CHD9: variants seen among roughly 807,000 people sequenced by gnomAD.
CHD9 encodes the protein chromodomain helicase DNA binding protein 9.
A neutral mutation model predicts 316.1 loss-of-function variants in CHD9; 77 were observed. That is an observed-to-expected ratio of 0.24 (90% CI 0.20 to 0.29). The LOEUF is 0.29. Ranked by LOEUF, CHD9 falls within the 10% of genes least tolerant of loss-of-function variation. The pLI is 1.00. For synonymous variants in CHD9, 1,129 were observed against 1,158.3 expected, an observed-to-expected ratio of 0.97 and a Z score of 0.51; for missense variants, 2,763 against 3,438.1, an observed-to-expected ratio of 0.80 and a Z score of 4.91.
At chr16:53,319,833 T>C (rs943244796) in intron 37 of CHD9, 11 of 1,264,296 alleles carry the variant, frequency 8.7e-6, no homozygotes, top group African/African-American at 6.1e-5. Flanking sequence ...TGATGAGTTA[T>C]TAAGGAAAAG....
intron 2 of CHD9, among the ~76,000 whole-genome samples, chr16:53,198,972 G>A (rs150370841): frequency 6.6e-6 from 1 of 150,846 alleles, no homozygotes; most frequent in Non-Finnish European, 1.5e-5. Flanking sequence ...ATTGGAATTT[G>A]CATTTGAATA....
chr16:53,310,549 A>G (rs891895189), intron 34 of CHD9, among the ~76,000 whole-genome samples: 2 of 152,046 alleles, frequency 1.3e-5, no homozygotes, highest in Non-Finnish European at 2.9e-5. Flanking sequence ...CTGTTTTTTA[A>G]TAATATCAAT....
intron 1 of CHD9, among the ~76,000 whole-genome samples, chr16:53,116,099 G>T (rs1011253404): frequency 2.0e-5 from 3 of 152,082 alleles, no homozygotes; most frequent in Non-Finnish European, 2.9e-5. Context: ...TCACTCTGTT[G>T]CCTGGGCTGG....
intron 1 of CHD9, among the ~76,000 whole-genome samples, chr16:53,068,401 T>TCCACGCCGATCCAGCATTCTCTC (rs2033714462): frequency 6.6e-6 from 1 of 151,654 alleles, no homozygotes; most frequent in African/African-American, 2.4e-5. Context: ...CACATTCTCT[T>TCCACGCCGATCCAGCATTCTCTC]CCCCGCCGAT....
chr16:53,305,181 C>A (rs2055844014), intron 31 of CHD9, among the ~76,000 whole-genome samples: 1 of 152,152 alleles, frequency 6.6e-6, no homozygotes, highest in South Asian at 2.1e-4. Flanking sequence ...CCTGCCTCAG[C>A]CTCCTGAGTA....
chr16:53,296,003 C>T (rs1397217735), intron 29 of CHD9, among the ~76,000 whole-genome samples: 1 of 152,138 alleles, frequency 6.6e-6, no homozygotes, highest in African/African-American at 2.4e-5. Context: ...TAAGCCATAA[C>T]CTTGTCAATC....
chr16:53,267,601 C>A, intron 21 of CHD9, 111 bp downstream of exon 21: 1 of 758,450 alleles, frequency 1.3e-6, no homozygotes. Context: ...TTAAAATTTA[C>A]TTTTAAAGTA....
At chr16:53,091,932 T>A (rs2035978203) in intron 1 of CHD9, among the ~76,000 whole-genome samples, 1 of 152,172 alleles carries the variant, frequency 6.6e-6, no homozygotes, top group Non-Finnish European at 1.5e-5. Context: ...ATATCCAAGC[T>A]GCAAGAGCAT....
At chr16:53,105,702 GAA>G (rs1005914280) in intron 1 of CHD9, among the ~76,000 whole-genome samples, 3 of 152,132 alleles carry the variant, frequency 2.0e-5, no homozygotes, top group African/African-American at 7.2e-5. Flanking sequence ...GTGCTTTGGA[GAA>G]GAGTCATTCC....
At chr16:53,269,194 C>T (rs1178781867) in intron 22 of CHD9, among the ~76,000 whole-genome samples, 1 of 152,018 alleles carries the variant, frequency 6.6e-6, no homozygotes, top group East Asian at 1.9e-4. Flanking sequence ...ACTTTTTGCT[C>T]CTTAGCCTTC....
In CHD9 at chr16:53,324,807, A is replaced by G. The variant is rs531858960; in HGVS notation, c.8606A>G (p.Asp2869Gly). 302 of 1,612,990 alleles carry G rather than the reference A, an allele frequency of 1.9e-4. 6 individuals carry two copies. In the South Asian group the frequency reaches 3.2e-3, roughly 17 times the overall value. The change falls in exon 39 of 39, where the codon GAT becomes GGT. Residue 2869 changes from aspartate to glycine, a missense_variant. This residue lies in a region of CHD9 where 298 missense variants were observed against 380.2 expected (regional missense o/e 0.78). Coordinates refer to ENST00000447540, the MANE Select transcript of CHD9 (RefSeq NM_001308319.2). ...AGTCCTCTCAATGAAAACAGCACAG[A>G]TGAGGGTTCAGAGAAAGCTGATGCT... ...EPSPLNENST[D>G]EGSEKADASS... is the part of the protein sequence containing the mutation.
At chr16:53,258,754 A>G (rs1056139298) in intron 19 of CHD9, among the ~76,000 whole-genome samples, 2 of 152,092 alleles carry the variant, frequency 1.3e-5, no homozygotes, top group African/African-American at 4.8e-5. Flanking sequence ...TGGTAACTTC[A>G]TTTTCAAGTG....
chr16:53,306,255 A>T lies in CHD9; in HGVS notation c.6638A>T (p.Lys2213Ile). Residue 2213 changes from lysine (K) to isoleucine (I), a missense_variant, in exon 32 of 39, where the codon AAA becomes ATA. Lys to Ile is a moderately radical substitution (Grantham distance 102). Around this residue, in one of 15 missense-constraint regions of CHD9, gnomAD observed 663 missense variants for 751.2 expected, o/e 0.88. Transcript: ENST00000447540. ...AQKRESTTHM[K>I]AYDEESVASL... ...TTAGCAGAAAGTACTACTCACATGA[A>T]AGCCTATGATGAAGAAAGCGTCGCG... The T allele has an allele frequency of 6.4e-7, 1 of 1,571,790 alleles. No homozygotes were observed. The highest frequency in any genetic ancestry group is 1.4e-5 in the African/African-American group (1 of 72,738).
chr16:53,172,520 C>T lies in CHD9; in HGVS notation c.1452+14979C>T, dbSNP rs150476965. On this transcript the variant is annotated intron_variant, in intron 2 of 38. Coordinates refer to ENST00000447540, the MANE Select transcript of CHD9 (RefSeq NM_001308319.2). ...CTTGTGAAGACATACATTTTTATTT[C>T]CATTGGGTAAATACCTGGCAATGGC... Among the ~76,000 whole-genome samples, 1,043 of 152,172 alleles carry T rather than the reference C, an allele frequency of 6.9e-3. 6 individuals are homozygous for T. The highest frequency in any genetic ancestry group is 0.014 in the Middle Eastern group (4 of 294).
At chr16:53,173,427 C>T (rs2042902764) in intron 2 of CHD9, among the ~76,000 whole-genome samples, 1 of 152,072 alleles carries the variant, frequency 6.6e-6, no homozygotes, top group Non-Finnish European at 1.5e-5. Context: ...ATAAGTATGG[C>T]TATAGGTTTA....
Position 53,149,653 on chromosome 16 carries a change from A to G in CHD9, c.-164-6273A>G, listed in dbSNP as rs147707077. On this transcript the variant is annotated intron_variant, in intron 1 of 38. Coordinates refer to ENST00000447540, the MANE Select transcript of CHD9 (RefSeq NM_001308319.2). ...AACCTCCAACTCCTGGGCTCAGGAGATCCTCCAGCCTCAGCCTCCCAGTTA... is the reference window on the plus strand; with the variant it reads ...AACCTCCAACTCCTGGGCTCAGGAGGTCCTCCAGCCTCAGCCTCCCAGTTA... Among the ~76,000 whole-genome samples the G allele has an allele frequency of 3.6e-3, 544 of 149,950 alleles. 6 individuals carry two copies. The highest frequency in any genetic ancestry group is 0.013 in the African/African-American group (511 of 40,698).
At chr16:53,137,867 G>A (rs2039835759) in intron 1 of CHD9, among the ~76,000 whole-genome samples, 1 of 152,096 alleles carries the variant, frequency 6.6e-6, no homozygotes, top group East Asian at 1.9e-4. Flanking sequence ...AAAATAGAAT[G>A]AACTTTAGGG....
At chr16:53,186,865 G>T (rs1181303309) in intron 2 of CHD9, among the ~76,000 whole-genome samples, 5 of 152,108 alleles carry the variant, frequency 3.3e-5, no homozygotes, top group Non-Finnish European at 7.4e-5. Context: ...CTTCCACCAT[G>T]ATTGTAAGTT....
intron 2 of CHD9, among the ~76,000 whole-genome samples, chr16:53,181,544 T>C (rs2043520195): frequency 6.6e-6 from 1 of 152,106 alleles, no homozygotes. Flanking sequence ...AGGTTAAAAC[T>C]AAGAGAATTA....
Sources: allele counts gnomAD v4.1 joint callset (sites outside exome capture counted in the v4.1 genomes callset), GRCh38; gene constraint gnomAD v4.1.1; regional missense constraint gnomAD v4.1.1; transcripts MANE v1.5; gene names NCBI Gene and HGNC (gene_info 2026-07-23, HGNC 2026-07-21).